ZNF396: variants seen among roughly 807,000 people sequenced by gnomAD.
The protein encoded by ZNF396 is zinc finger and SCAN domain-containing protein 14.
ZNF396 carries 14 observed loss-of-function variants against 20.5 expected under a neutral mutation model. The ratio of observed to expected loss-of-function variants is 0.68; its 90% CI spans 0.45 to 1.07. ZNF396 has a LOEUF of 1.07. Among genes scored for constraint, ZNF396 ranks in the 50% least tolerant of loss-of-function variants. The pLI, the probability that ZNF396 is intolerant of heterozygous loss-of-function variation, is 0.00. For synonymous variants in ZNF396, 119 were observed against 140.6 expected, an observed-to-expected ratio of 0.85 and a Z score of 1.08; for missense variants, 347 against 390.1, an observed-to-expected ratio of 0.89 and a Z score of 0.93.
At chr18:35,376,098 G>T (rs1052723322) in intron 1 of ZNF396, 1 of 152,102 alleles carries the variant, frequency 6.6e-6, no homozygotes, top group Non-Finnish European at 1.5e-5. Context: ...TACAACTTCA[G>T]CAAATGATGA....
chr18:35,374,555 G>T lies in ZNF396; in HGVS notation c.-72-191C>A, dbSNP rs1362773783. 3.6e-6 allele frequency: 1 copy of T among 274,380 alleles called. No individual in the cohort carries two copies. Among genetic ancestry groups the T allele is most frequent in the Non-Finnish European group, 7.1e-6 (1 of 140,690 alleles). The allele number at this position is 274,380 out of a possible 1,614,324, so 17.0% of individuals were successfully genotyped here. A position where few individuals can be genotyped will look rare whatever the true frequency, so the allele number is the denominator to read the frequency against. The stretch of plus-strand genomic sequence containing the variant: ...TCTGTTGCCCAGGCTGGAGTGCAAT[G>T]GTGTGATCTCGGCTCACTGCAACCT... On this transcript the variant is annotated intron_variant, in intron 1 of 3. Transcript: ENST00000589332. This position sits in a 1 kb window ranked among gnomAD's most constrained non-coding sequence, Gnocchi z 4.3.
chr18:35,367,097 C>T lies in ZNF396; in HGVS notation c.*2118G>A, dbSNP rs956150551. 1 of 152,160 alleles carries T rather than the reference C, an allele frequency of 6.6e-6. No homozygotes were observed. The highest frequency in any genetic ancestry group is 1.5e-5 in the Non-Finnish European group (1 of 68,016). The allele number at this position is 152,160 out of a possible 1,614,324, so 9.4% of individuals were successfully genotyped here. On this transcript the variant is annotated 3_prime_UTR_variant, in exon 4 of 4. Coordinates refer to ENST00000589332, the MANE Select transcript of ZNF396 (RefSeq NM_001322286.2). ...ATTCACAATATATACATCTCTGAGG[C>T]ACTTGTTGTTTCAATAGATGGTTTG...
chr18:35,374,306 TA>T lies in ZNF396; in HGVS notation c.-15del. On this transcript the variant is annotated 5_prime_UTR_variant, in exon 2 of 4. Transcript: ENST00000589332. This position sits in a 1 kb window ranked among gnomAD's most constrained non-coding sequence, Gnocchi z 4.3. Reference sequence around the variant, plus strand: ...TTTTGCAGACATTTTGACAGACAAATAGCTCAGTACTGTTAGGCTTTAATCC... The same window carrying T: ...TTTTGCAGACATTTTGACAGACAAATGCTCAGTACTGTTAGGCTTTAATCC... 6.2e-7 allele frequency: 1 copy of T among 1,609,956 alleles called. No homozygotes were observed. Among genetic ancestry groups the T allele is most frequent in the Non-Finnish European group, 8.5e-7 (1 of 1,179,068 alleles).
chr18:35,369,403 T>C lies in ZNF396; in HGVS notation c.820A>G (p.Ser274Gly), dbSNP rs2045141553. Reference sequence around the variant, plus strand: ...TCACATGCATAAGGTTTCTTTCCACTGTGGATTCTCTGATGTAAAATAAGG... The same window carrying C: ...TCACATGCATAAGGTTTCTTTCCACCGTGGATTCTCTGATGTAAAATAAGG... Reference protein sequence around the residue: ...SALILHQRIHSGKKPYACDEC... With the variant: ...SALILHQRIHGGKKPYACDEC... The change falls in exon 4 of 4, where the codon AGT (serine) becomes GGT (glycine). Residue 274 changes from serine (S) to glycine (G), a missense_variant. Physicochemically the swap from Ser to Gly is moderately conservative, Grantham distance 56. Coordinates refer to ENST00000589332, the MANE Select transcript of ZNF396 (RefSeq NM_001322286.2). The C allele has an allele frequency of 6.2e-7, 1 of 1,614,248 alleles. No individual in the cohort carries two copies. Among genetic ancestry groups the C allele is most frequent in the Non-Finnish European group, 8.5e-7 (1 of 1,180,042 alleles).
At position 35,367,157 on chromosome 18, in the gene ZNF396, A is replaced by G. The variant is rs920896761; in HGVS notation, c.*2058T>C. 6.6e-6 allele frequency: 1 copy of G among 152,228 alleles called. No homozygotes were observed. Among genetic ancestry groups the G allele is most frequent in the Admixed American group, 6.5e-5 (1 of 15,284 alleles). 9.4% of individuals were successfully genotyped at this position (152,228 alleles called of 1,614,324 possible). ...GTAATTACAAAGACAATGAGCCCCA[A>G]ATAAAAAGTATCCTACATTTTTAGT... On this transcript the variant is annotated 3_prime_UTR_variant, in exon 4 of 4. Coordinates refer to ENST00000589332, the MANE Select transcript of ZNF396 (RefSeq NM_001322286.2).
At chr18:35,372,307 GA>G (rs889898059) in intron 3 of ZNF396, 1 of 152,176 alleles carries the variant, frequency 6.6e-6, no homozygotes, top group African/African-American at 2.4e-5. Context: ...ACTTTTTCGT[GA>G]AAAGACTTTC....
rs2045227309 is a variant in ZNF396 at position 35,374,219 on chromosome 18, T to G, written c.74A>C (p.Glu25Ala). 6.2e-6 allele frequency: 10 copies of G among 1,614,230 alleles called. No homozygotes were observed. The highest frequency in any genetic ancestry group is 4.5e-5 in the East Asian group (2 of 44,884). The stretch of plus-strand genomic sequence containing the variant: ...GGTCTGCTCTTCCTCTTCCATCTTC[T>G]CTGTCAGAATCCCATTACACTCCTC... ...TSEECNGILT[E>A]KMEEEEQTCD... The change falls in exon 2 of 4, where the codon GAG becomes GCG. Residue 25 changes from glutamate (E) to alanine (A), a missense_variant. Coordinates refer to ENST00000589332, the MANE Select transcript of ZNF396 (RefSeq NM_001322286.2). The surrounding 1 kb of genome is among the most constrained non-coding windows in gnomAD (Gnocchi z 4.3).
At position 35,369,328 on chromosome 18, in the gene ZNF396, G is replaced by T; in HGVS notation, c.895C>A (p.Arg299=). The T allele has an allele frequency of 1.2e-6, 2 of 1,614,194 alleles. No individual in the cohort carries two copies. The highest frequency in any genetic ancestry group is 1.7e-6 in the Non-Finnish European group (2 of 1,180,038). Residue 299 remains arginine, a synonymous_variant, in exon 4 of 4, where the codon CGA becomes AGA. Transcript: ENST00000589332. ...TAGGGCTTCTCACCAGTATGGGTTC[G>T]TCGATGCTGAATCAGAATTGCGCTT... The part of the protein sequence containing the change: ...SRSAILIQHR[R]THTGEKPYKC...
In ZNF396 at chr18:35,369,663, G is replaced by A. The variant is rs2045146337; in HGVS notation, c.563-3C>T. On this transcript the variant is annotated splice_polypyrimidine_tract_variant and splice_region_variant and intron_variant, in intron 3 of 3. Coordinates refer to ENST00000589332, the MANE Select transcript of ZNF396 (RefSeq NM_001322286.2). The stretch of plus-strand genomic sequence containing the variant: ...ATTTGTAGTTTTGATGTCTTCATCT[G>A]AAATGGAAAAACAAATGTCACCAGG... The A allele has an allele frequency of 1.3e-6, 2 of 1,581,732 alleles. No homozygotes were observed. Among genetic ancestry groups the A allele is most frequent in the Non-Finnish European group, 1.7e-6 (2 of 1,168,132 alleles).
Position 35,374,140 on chromosome 18 carries a change from G to A in ZNF396, c.153C>T (p.Phe51=), listed in dbSNP as rs774747284. Reference sequence around the variant, plus strand: ...AGCCAAACTGCCTGAATTGCTGGCGGAAGGTCTCTGGGCTGTAGCTGCTGC... The same window carrying A: ...AGCCAAACTGCCTGAATTGCTGGCGAAAGGTCTCTGGGCTGTAGCTGCTGC... The part of the protein sequence containing the change: ...HWSSSYSPET[F]RQQFRQFGYQ... The change falls in exon 2 of 4, where the codon TTC becomes TTT. Residue 51 remains phenylalanine (F), a synonymous_variant. Transcript: ENST00000589332. The surrounding 1 kb of genome is among the most constrained non-coding windows in gnomAD (Gnocchi z 4.3). 1 of 1,614,244 alleles carries A rather than the reference G, an allele frequency of 6.2e-7. No individual in the cohort carries two copies. The highest frequency in any genetic ancestry group is 1.1e-5 in the South Asian group (1 of 91,086).
rs2045273236 is a variant in ZNF396, at chr18:35,377,289, G to C, written c.-84C>G. ...GCCTCGGGTCTCACCTCCCGACGCC[G>C]TCGGGGAGAAACCGGGGAACTGCCA... On this transcript the variant is annotated 5_prime_UTR_variant, in exon 1 of 4. Coordinates refer to ENST00000589332, the MANE Select transcript of ZNF396 (RefSeq NM_001322286.2). 1 of 148,310 alleles carries C rather than the reference G, an allele frequency of 6.7e-6. No individual in the cohort carries two copies. The highest frequency in any genetic ancestry group is 1.5e-5 in the Non-Finnish European group (1 of 66,370). 9.2% of individuals were successfully genotyped at this position (148,310 alleles called of 1,614,324 possible).
intron 1 of ZNF396, among the ~76,000 whole-genome samples, chr18:35,375,800 T>C (rs539562206): frequency 1.3e-5 from 2 of 152,270 alleles, no homozygotes; most frequent in Admixed American, 1.3e-4. Flanking sequence ...TGGAGTACAA[T>C]GGCGGGATCT....
chr18:35,373,736 G>C (rs1023502236), intron 2 of ZNF396, 136 bp from the exon 3 acceptor site: 107 of 1,487,262 alleles, frequency 7.2e-5, no homozygotes, highest in Non-Finnish European at 8.5e-5. Flanking sequence ...CCTTCTATTT[G>C]CTGGGACACC....
chr18:35,367,729 A>T lies in ZNF396; in HGVS notation c.*1486T>A, dbSNP rs2143884929. Reference sequence around the variant, plus strand: ...ATATCCCATAGATAAGCCAAATAAGATATCCCATAAATGTCTTAAAACTTA... The same window carrying T: ...ATATCCCATAGATAAGCCAAATAAGTTATCCCATAAATGTCTTAAAACTTA... On this transcript the variant is annotated 3_prime_UTR_variant, in exon 4 of 4. Coordinates refer to ENST00000589332, the MANE Select transcript of ZNF396 (RefSeq NM_001322286.2). 6.6e-6 allele frequency: 1 copy of T among 152,368 alleles called. No homozygotes were observed. Among genetic ancestry groups the T allele is most frequent in the South Asian group, 2.1e-4 (1 of 4,832 alleles). The allele number at this position is 152,368 out of a possible 1,614,324, so 9.4% of individuals were successfully genotyped here. A position where few individuals can be genotyped will look rare whatever the true frequency, so the allele number is the denominator to read the frequency against.
chr18:35,375,354 A>T (rs964863224), intron 1 of ZNF396, among the ~76,000 whole-genome samples: 1 of 151,694 alleles, frequency 6.6e-6, no homozygotes, highest in Non-Finnish European at 1.5e-5. Flanking sequence ...ATGTATTTCT[A>T]TTTTTTTCCA....
intron 1 of ZNF396, among the ~76,000 whole-genome samples, chr18:35,376,572 G>A (rs368983066): frequency 4.6e-5 from 7 of 152,194 alleles, no homozygotes; most frequent in Non-Finnish European, 1.0e-4. Flanking sequence ...AGAGGAGGAA[G>A]TGGCGGCAGG....
chr18:35,370,136 TA>T (rs1413750478), intron 3 of ZNF396, among the ~76,000 whole-genome samples: 1 of 151,996 alleles, frequency 6.6e-6, no homozygotes, highest in Non-Finnish European at 1.5e-5. Context: ...ATGTGGAAAA[TA>T]AAGTAAGAAA....
chr18:35,372,490 C>G (rs1013930015), intron 3 of ZNF396: 20 of 152,282 alleles, frequency 1.3e-4, no homozygotes, highest in African/African-American at 4.6e-4. Context: ...CTTGGAAAAA[C>G]TCTAACCTTG....
At chr18:35,372,221 T>C (rs923791699) in intron 3 of ZNF396, 2 of 152,044 alleles carry the variant, frequency 1.3e-5, no homozygotes, top group African/African-American at 4.8e-5. Flanking sequence ...GGCTTTGAGG[T>C]TGATCACTTC....
Sources: allele counts gnomAD v4.1 joint callset (sites outside exome capture counted in the v4.1 genomes callset), GRCh38; gene constraint gnomAD v4.1.1; non-coding constraint Gnocchi (gnomAD v3.1); transcripts MANE v1.5; gene names NCBI Gene and HGNC (gene_info 2026-07-23, HGNC 2026-07-21).